Variants in CCDC192 observed in about 807,000 individuals in gnomAD.
CCDC192 encodes the protein coiled-coil domain containing 192, also known as coiled-coil domain-containing protein 192.
chr5:127,757,879 C>T (rs764630319), intron 3 of CCDC192, among the ~76,000 whole-genome samples: 11 of 150,912 alleles, frequency 7.3e-5, no homozygotes, highest in Admixed American at 5.3e-4. Flanking sequence ...GCCTGCTGTA[C>T]ACGTTAAGGC....
chr5:127,805,679 C>T (rs974185049), intron 5 of CCDC192, among the ~76,000 whole-genome samples: 1 of 152,070 alleles, frequency 6.6e-6, no homozygotes, highest in East Asian at 1.9e-4. Flanking sequence ...TATTTATGAA[C>T]AGAAGCAGGT....
chr5:127,728,862 C>T (rs557756587), intron 2 of CCDC192, among the ~76,000 whole-genome samples: 1 of 152,234 alleles, frequency 6.6e-6, no homozygotes, highest in Admixed American at 6.5e-5. Context: ...ACTTACCAAG[C>T]AAATGCAAAG....
intron 3 of CCDC192, among the ~76,000 whole-genome samples, chr5:127,772,578 A>C (rs181218203): frequency 6.1e-4 from 93 of 152,272 alleles, no homozygotes; most frequent in African/African-American, 2.2e-3. Context: ...ATTCCAAGCA[A>C]TAAGCAGTCA....
chr5:127,791,247 A>G (rs1401971504), intron 3 of CCDC192, among the ~76,000 whole-genome samples: 1 of 152,232 alleles, frequency 6.6e-6, no homozygotes, highest in African/African-American at 2.4e-5. Flanking sequence ...TTCAATATTT[A>G]CTCCAATGTC....
chr5:127,859,283 T>A (rs961732554), intron 5 of CCDC192, among the ~76,000 whole-genome samples: 1 of 152,238 alleles, frequency 6.6e-6, no homozygotes, highest in Non-Finnish European at 1.5e-5. Context: ...TAAAACATGT[T>A]TGTTAATATT....
At chr5:127,916,429 G>A (rs772788658) in intron 6 of CCDC192, among the ~76,000 whole-genome samples, 5 of 152,210 alleles carry the variant, frequency 3.3e-5, no homozygotes, top group African/African-American at 4.8e-5. Context: ...ATCTGGAATG[G>A]TGAATTATTT....
chr5:127,797,788 T>C (rs1757262881), intron 4 of CCDC192, among the ~76,000 whole-genome samples: 1 of 145,116 alleles, frequency 6.9e-6, no homozygotes, highest in South Asian at 2.1e-4. Context: ...TTTATTTATT[T>C]ATTTATTTGT....
intron 2 of CCDC192, among the ~76,000 whole-genome samples, chr5:127,727,337 T>C (rs967245496): frequency 6.6e-6 from 1 of 152,090 alleles, no homozygotes; most frequent in Non-Finnish European, 1.5e-5. Flanking sequence ...CCGGGCATGG[T>C]GGCGCATGCC....
At chr5:127,820,670 T>G (rs1028690339) in intron 5 of CCDC192, among the ~76,000 whole-genome samples, 1 of 152,256 alleles carries the variant, frequency 6.6e-6, no homozygotes, top group Admixed American at 6.5e-5. Context: ...CGATACATAC[T>G]TTCTACACTC....
Position 127,765,051 on chromosome 5 carries a change from A to G in CCDC192, c.222+10676A>G, listed in dbSNP as rs573899677. Among the ~76,000 whole-genome samples the G allele has an allele frequency of 3.0e-4, 46 of 152,338 alleles. No individual in the cohort carries two copies. In the South Asian group the frequency reaches 6.8e-3, roughly 23 times the overall value. The stretch of plus-strand genomic sequence containing the variant: ...GGTTATTGAATGAGTGTATAGTGAC[A>G]TGCAGTGGTCTAGTACAGAGGTCTT... On this transcript the variant is annotated intron_variant, in intron 3 of 6. Coordinates refer to ENST00000514853, the MANE Select transcript of CCDC192 (RefSeq NM_001317938.2).
intron 6 of CCDC192, among the ~76,000 whole-genome samples, chr5:127,934,319 AT>A (rs1754131634): frequency 6.6e-6 from 1 of 152,198 alleles, no homozygotes; most frequent in Admixed American, 6.5e-5. Context: ...AAATATAACT[AT>A]TATAAGACTG....
At chr5:127,751,946 G>A (rs1754204232) in intron 2 of CCDC192, among the ~76,000 whole-genome samples, 1 of 151,958 alleles carries the variant, frequency 6.6e-6, no homozygotes, top group Non-Finnish European at 1.5e-5. Context: ...TAGTTCTCGA[G>A]CCTTGGTTTT....
intron 3 of CCDC192, among the ~76,000 whole-genome samples, chr5:127,792,199 A>G (rs750496869): frequency 1.1e-4 from 16 of 152,206 alleles, no homozygotes; most frequent in Non-Finnish European, 2.2e-4. Context: ...TGGGTAATTT[A>G]TAAAGGAAAG....
At chr5:127,729,967 G>C (rs1289306049) in intron 2 of CCDC192, among the ~76,000 whole-genome samples, 1 of 151,872 alleles carries the variant, frequency 6.6e-6, no homozygotes, top group Non-Finnish European at 1.5e-5. Flanking sequence ...AAGAACTAGA[G>C]AACCAAGAGC....
chr5:127,861,353 T>TAA (rs111544483), intron 5 of CCDC192, among the ~76,000 whole-genome samples: 1 of 127,380 alleles, frequency 7.9e-6, no homozygotes, highest in East Asian at 2.3e-4. Flanking sequence ...AATTTTAAGC[T>TAA]AAAAAAAAAA....
intron 2 of CCDC192, among the ~76,000 whole-genome samples, chr5:127,730,807 A>C (rs933979616): frequency 6.6e-6 from 1 of 152,228 alleles, no homozygotes; most frequent in African/African-American, 2.4e-5. Flanking sequence ...GCCTTCAATA[A>C]ATTTCAACAT....
At chr5:127,786,952 C>T (rs999359684) in intron 3 of CCDC192, 15 of 391,668 alleles carry the variant, frequency 3.8e-5, no homozygotes, top group African/African-American at 3.1e-4. Flanking sequence ...CACATGTACA[C>T]CTGCTGGATG....
intron 3 of CCDC192, among the ~76,000 whole-genome samples, chr5:127,770,275 T>G (rs942087359): frequency 6.6e-6 from 1 of 152,152 alleles, no homozygotes; most frequent in Non-Finnish European, 1.5e-5. Context: ...CCTAAACATA[T>G]TTGCACTGAG....
At chr5:127,737,256 A>G (rs1753072774) in intron 2 of CCDC192, among the ~76,000 whole-genome samples, 1 of 152,100 alleles carries the variant, frequency 6.6e-6, no homozygotes, top group South Asian at 2.1e-4. Flanking sequence ...GAGATTCTTA[A>G]TCCTGAGTTC....
Sources: gnomAD v4.1 joint callset for allele counts (sites outside exome capture counted in the v4.1 genomes callset) on GRCh38, gnomAD v4.1.1 for gene constraint, MANE v1.5 for transcripts, NCBI Gene and HGNC (gene_info 2026-07-23, HGNC 2026-07-21) for gene names.